Variants in TRMT10A observed in about 807,000 individuals in gnomAD.
TRMT10A encodes tRNA methyltransferase 10A.
In TRMT10A, 37 loss-of-function variants were observed where a neutral mutation model predicts 40.4. The observed-to-expected ratio is 0.92, with a 90% confidence interval of 0.71 to 1.21. The LOEUF (loss-of-function observed/expected upper bound fraction) is 1.21, where lower values mean the gene tolerates loss of function less well. Among genes scored for constraint, TRMT10A ranks in the 50% most tolerant of loss-of-function variants. The pLI is 0.00. For synonymous variants in TRMT10A, 103 were observed against 134.1 expected (o/e 0.77, Z 1.60); for missense variants, 388 against 404.3 (o/e 0.96, Z 0.35).
In TRMT10A at chr4:99,547,223, G is replaced by C. The variant is rs1408576598; in HGVS notation, c.*1865C>G. On this transcript the variant is annotated 3_prime_UTR_variant, in exon 8 of 8. Transcript: ENST00000394876. ...TGGAGTCAAGCCACTATAGGCTAAG[G>C]AACAGCAGGGATTGCTGGCAACCAC... The C allele has an allele frequency of 6.6e-6, 1 of 152,110 alleles. No homozygotes were observed. The highest frequency in any genetic ancestry group is 2.4e-5 in the African/African-American group (1 of 41,420). The allele number at this position is 152,110 out of a possible 1,614,324, so 9.4% of individuals were successfully genotyped here.
chr4:99,549,482 G>T (rs2110181507), intron 7 of TRMT10A, 126 bp from the exon 8 acceptor site: 3 of 1,259,500 alleles, frequency 2.4e-6, no homozygotes, highest in Non-Finnish European at 3.3e-6. Flanking sequence ...TTTGTTCTTA[G>T]CTCTTCTTTC....
intron 1 of TRMT10A, among the ~76,000 whole-genome samples, chr4:99,561,677 A>T (rs148103075): frequency 3.3e-5 from 5 of 152,304 alleles, no homozygotes; most frequent in African/African-American, 1.2e-4. Context: ...TGCACTATGT[A>T]CTAGCGTGTT....
Position 99,549,138 on chromosome 4 carries a change from G to C in TRMT10A, c.970C>G (p.Gln324Glu), listed in dbSNP as rs753175414. Residue 324 changes from glutamine (Q) to glutamate (E), a missense_variant, in exon 8 of 8, where the codon CAG becomes GAG. Transcript: ENST00000394876. ...GATTCAGTGTGATTTTCCTTATCCT[G>C]CTTTTCTTCATGTGGTGAATCTAGT... The part of the protein sequence containing the change: ...NELDSPHEEK[Q>E]DKENHTESTV... 1.9e-6 allele frequency: 3 copies of C among 1,614,020 alleles called. No individual in the cohort carries two copies. In the Admixed American group the frequency reaches 5.0e-5, roughly 27 times the overall value.
Position 99,549,039 on chromosome 4 carries a change from C to T in TRMT10A, c.*49G>A. On this transcript the variant is annotated 3_prime_UTR_variant, in exon 8 of 8. Coordinates refer to ENST00000394876, the MANE Select transcript of TRMT10A (RefSeq NM_001134665.3). ...TCCAATTTCAATATTCTATATAGCA[C>T]CTCACTTTCTCCTAATTTTTCCTTA... 1 of 1,587,180 alleles carries T rather than the reference C, an allele frequency of 6.3e-7. No homozygotes were observed. The highest frequency in any genetic ancestry group is 8.6e-7 in the Non-Finnish European group (1 of 1,160,862).
chr4:99,557,088 A>G (rs1313354122), intron 4 of TRMT10A, among the ~76,000 whole-genome samples: 1 of 152,174 alleles, frequency 6.6e-6, no homozygotes, highest in Non-Finnish European at 1.5e-5. Flanking sequence ...ATGTCCCACA[A>G]TGAAGATATC....
chr4:99,558,327 CTTCT>C, intron 2 of TRMT10A, 116 bp from the exon 3 acceptor site: 5 of 925,336 alleles, frequency 5.4e-6, no homozygotes, highest in Non-Finnish European at 7.8e-6. Flanking sequence ...GAAATTGTCA[CTTCT>C]GTGACCATTC....
At chr4:99,562,199 A>G (rs200920370) in intron 1 of TRMT10A, among the ~76,000 whole-genome samples, 10 of 117,682 alleles carry the variant, frequency 8.5e-5, no homozygotes, top group African/African-American at 3.4e-4. Context: ...ATATATATAT[A>G]TATGTGTGTG....
chr4:99,552,250 T>C (rs900687968), intron 6 of TRMT10A, among the ~76,000 whole-genome samples: 5 of 152,222 alleles, frequency 3.3e-5, no homozygotes, highest in Admixed American at 6.5e-5. Flanking sequence ...CTGACTCACC[T>C]AGAGCAACTT....
chr4:99,559,398 A>T (rs1724295587), intron 1 of TRMT10A, 37 bp from the exon 2 acceptor site: 3 of 1,416,550 alleles, frequency 2.1e-6, no homozygotes, highest in East Asian at 4.6e-5. Context: ...AGCACAAAAA[A>T]GTTAAAAAAC....
At chr4:99,560,118 T>A (rs1724330747) in intron 1 of TRMT10A, among the ~76,000 whole-genome samples, 1 of 152,094 alleles carries the variant, frequency 6.6e-6, no homozygotes, top group Admixed American at 6.5e-5. Context: ...AAGACAGAAC[T>A]GATTTTTAAA....
chr4:99,551,234 C>T (rs1054836480), intron 6 of TRMT10A, among the ~76,000 whole-genome samples: 2 of 152,136 alleles, frequency 1.3e-5, no homozygotes, highest in African/African-American at 4.8e-5. Flanking sequence ...AAACCAAAGA[C>T]ATTATGTTTC....
At position 99,563,974 on chromosome 4, in the gene TRMT10A, G is replaced by C. The variant is rs760986609; in HGVS notation, c.-85C>G. On this transcript the variant is annotated 5_prime_UTR_variant, in exon 1 of 8. Transcript: ENST00000394876. ...AAGAAAGCCTTTCTGGGTTGGCCTG[G>C]TTACGGCTCACGCTTCCTTCCACAG... 3.1e-6 allele frequency: 4 copies of C among 1,301,510 alleles called. No individual in the cohort carries two copies. The highest frequency in any genetic ancestry group is 1.3e-5 in the South Asian group (1 of 78,522). 80.6% of individuals were successfully genotyped at this position (1,301,510 alleles called of 1,614,324 possible).
chr4:99,548,964 A>G lies in TRMT10A; in HGVS notation c.*124T>C, dbSNP rs1723849196. The stretch of plus-strand genomic sequence containing the variant: ...TTTTTTTATTATTATTTAGGTCCAA[A>G]AAAAAGTTTTTAAAAATCACAACAG... On this transcript the variant is annotated 3_prime_UTR_variant, in exon 8 of 8. Coordinates refer to ENST00000394876, the MANE Select transcript of TRMT10A (RefSeq NM_001134665.3). 1.8e-6 allele frequency: 2 copies of G among 1,083,104 alleles called. No homozygotes were observed. Among genetic ancestry groups the G allele is most frequent in the African/African-American group, 3.2e-5 (2 of 61,972 alleles). 67.1% of individuals were successfully genotyped at this position (1,083,104 alleles called of 1,614,324 possible). A position where few individuals can be genotyped will look rare whatever the true frequency, so the allele number is the denominator to read the frequency against.
chr4:99,549,583 A>T (rs1297025666), intron 7 of TRMT10A, among the ~76,000 whole-genome samples: 1 of 152,132 alleles, frequency 6.6e-6, no homozygotes, highest in Non-Finnish European at 1.5e-5. Flanking sequence ...AGCACTCAGA[A>T]ATTTACCAGT....
intron 1 of TRMT10A, 191 bp downstream of exon 1, chr4:99,563,722 A>G: frequency 2.6e-6 from 1 of 390,512 alleles, no homozygotes; most frequent in South Asian, 2.0e-5. Flanking sequence ...GCAGCTGGGT[A>G]GGCCGCGGGG....
chr4:99,550,277 C>T (rs537917470), intron 7 of TRMT10A, among the ~76,000 whole-genome samples: 1 of 152,336 alleles, frequency 6.6e-6, no homozygotes, highest in East Asian at 1.9e-4. Flanking sequence ...GCAGCCTCCA[C>T]CTCCTGAGCT....
At chr4:99,556,278 T>C (rs1182120393) in intron 4 of TRMT10A, 58 bp from the exon 5 acceptor site, 2 of 1,435,764 alleles carry the variant, frequency 1.4e-6, no homozygotes, top group African/African-American at 2.8e-5. Flanking sequence ...AAGTCTAATA[T>C]TTTATTTCTC....
chr4:99,559,996 A>T (rs1438602295), intron 1 of TRMT10A, among the ~76,000 whole-genome samples: 2 of 152,116 alleles, frequency 1.3e-5, no homozygotes, highest in African/African-American at 4.8e-5. Context: ...CATTTTCTAA[A>T]GTTATATAAT....
intron 3 of TRMT10A, 69 bp from the exon 4 acceptor site, chr4:99,557,485 G>T: frequency 2.9e-6 from 4 of 1,389,230 alleles, no homozygotes; most frequent in South Asian, 2.4e-5. Context: ...GATCTTAAAG[G>T]AATGGAATAA....
Sources: allele counts gnomAD v4.1 joint callset (sites outside exome capture counted in the v4.1 genomes callset), GRCh38; gene constraint gnomAD v4.1.1; transcripts MANE v1.5; gene names NCBI Gene and HGNC (gene_info 2026-07-23, HGNC 2026-07-21).